TEX29: variants seen among roughly 807,000 people sequenced by gnomAD.
TEX29 encodes the protein testis expressed 29.
Under a neutral mutation model 18.2 loss-of-function variants are expected in TEX29, and 26 were observed. The ratio of observed to expected loss-of-function variants is 1.43; its 90% CI spans 1.04 to 1.98. The LOEUF is 1.98. TEX29 is among the 30% of genes most tolerant of loss of function. The pLI, the probability that TEX29 is intolerant of heterozygous loss-of-function variation, is 0.00. For synonymous variants in TEX29, 83 were observed against 78.5 expected (o/e 1.06, Z -0.31); for missense variants, 177 against 194.2 (o/e 0.91, Z 0.53).
intron 2 of TEX29, among the ~76,000 whole-genome samples, chr13:111,324,581 C>T (rs1003664609): frequency 6.6e-6 from 1 of 152,136 alleles, no homozygotes; most frequent in South Asian, 2.1e-4. Context: ...CTTGACTCCT[C>T]CCCTAGGAAG....
intron 3 of TEX29, among the ~76,000 whole-genome samples, chr13:111,335,076 T>C (rs2093687719): frequency 1.3e-5 from 2 of 152,240 alleles, no homozygotes. Context: ...TCCAGACTTC[T>C]GAAAAACTTT....
At chr13:111,330,368 C>G (rs952391792) in intron 3 of TEX29, among the ~76,000 whole-genome samples, 1 of 152,138 alleles carries the variant, frequency 6.6e-6, no homozygotes, top group African/African-American at 2.4e-5. Context: ...TTTCGCTCCT[C>G]AGAGACAAAT....
At chr13:111,327,435 C>T (rs887132625) in intron 2 of TEX29, among the ~76,000 whole-genome samples, 8 of 152,188 alleles carry the variant, frequency 5.3e-5, no homozygotes, top group Non-Finnish European at 1.2e-4. Flanking sequence ...GGCTTGGGTG[C>T]AGCCTTGGCC....
Position 111,339,186 on chromosome 13 carries a change from G to A in TEX29, c.170-677G>A, listed in dbSNP as rs79064472. On this transcript the variant is annotated intron_variant, in intron 3 of 5. Transcript: ENST00000283547. Reference sequence around the variant, plus strand: ...GGAGGCTTGACTTTTGCTGAGGCTGGGTTGGAGAAGGCACGGGAAACTTGG... The same window carrying A: ...GGAGGCTTGACTTTTGCTGAGGCTGAGTTGGAGAAGGCACGGGAAACTTGG... 2.5e-3 allele frequency: 1,116 copies of A among 449,028 alleles called. 9 individuals are homozygous for A. The highest frequency in any genetic ancestry group is 0.019 in the African/African-American group (950 of 50,090). 27.8% of individuals were successfully genotyped at this position (449,028 alleles called of 1,614,324 possible). A position where few individuals can be genotyped will look rare whatever the true frequency, so the allele number is the denominator to read the frequency against.
At chr13:111,336,542 CAAAGAG>C (rs1387679160) in intron 3 of TEX29, among the ~76,000 whole-genome samples, 5 of 143,170 alleles carry the variant, frequency 3.5e-5, no homozygotes, top group Admixed American at 2.1e-4. Context: ...ATTGGGAATT[CAAAGAG>C]AAAGACTTGC....
At chr13:111,322,056 T>C (rs2093665543) in intron 2 of TEX29, among the ~76,000 whole-genome samples, 1 of 136,166 alleles carries the variant, frequency 7.3e-6, no homozygotes, top group South Asian at 2.2e-4. Context: ...ACTGAGCACC[T>C]GCCCACAGCA....
chr13:111,318,510 A>G (rs1595680929), upstream of TEX29, among the ~76,000 whole-genome samples: 1 of 151,952 alleles, frequency 6.6e-6, no homozygotes, highest in African/African-American at 2.4e-5. Context: ...CTTGGTGAAC[A>G]CCCCTCTCCC....
chr13:111,327,886 C>T (rs1261350523), intron 2 of TEX29, among the ~76,000 whole-genome samples: 2 of 152,388 alleles, frequency 1.3e-5, no homozygotes, highest in South Asian at 2.1e-4. Flanking sequence ...CCCCGCGCTT[C>T]TGTGGGCTCT....
At chr13:111,320,546 G>T (rs1353423337), upstream of TEX29, 3 of 370,174 alleles carry the variant, frequency 8.1e-6, no homozygotes, top group Non-Finnish European at 1.0e-5. Flanking sequence ...ACACGCACAC[G>T]GCTCCGAAGT....
At chr13:111,341,888 G>A (rs1189593192) in intron 4 of TEX29, among the ~76,000 whole-genome samples, 4 of 152,242 alleles carry the variant, frequency 2.6e-5, no homozygotes, top group Non-Finnish European at 5.9e-5. Flanking sequence ...GATTGACGCA[G>A]CATCGAGGGG....
At chr13:111,326,418 CGGTGGG>C (rs2093673487) in intron 2 of TEX29, among the ~76,000 whole-genome samples, 1 of 145,592 alleles carries the variant, frequency 6.9e-6, no homozygotes, top group Non-Finnish European at 1.5e-5. Context: ...GTGGAGGAGA[CGGTGGG>C]CAGCGTGAGC....
At chr13:111,319,398 T>C (rs1476704152), upstream of TEX29, among the ~76,000 whole-genome samples, 17 of 152,184 alleles carry the variant, frequency 1.1e-4, no homozygotes. Context: ...TGAGAAGGAA[T>C]GAAGCTCTGA....
chr13:111,326,462 GGAA>G (rs1371474737), intron 2 of TEX29, among the ~76,000 whole-genome samples: 3 of 149,642 alleles, frequency 2.0e-5, no homozygotes, highest in Admixed American at 6.6e-5. Flanking sequence ...CTGGTGGGGT[GGAA>G]GAGACTGCGG....
chr13:111,326,652 C>G (rs1232957440), intron 2 of TEX29, among the ~76,000 whole-genome samples: 20 of 126,978 alleles, frequency 1.6e-4, no homozygotes, highest in East Asian at 5.2e-4. Context: ...GCAGTGCGAG[C>G]CTGTCTGGTG....
intron 3 of TEX29, chr13:111,339,374 C>A (rs1426896146): frequency 2.2e-6 from 1 of 455,276 alleles, no homozygotes; most frequent in East Asian, 6.9e-5. Context: ...GGGGCCAGCG[C>A]CATCTCTCCA....
At chr13:111,325,771 C>T (rs554658293) in intron 2 of TEX29, among the ~76,000 whole-genome samples, 13 of 152,218 alleles carry the variant, frequency 8.5e-5, no homozygotes, top group African/African-American at 2.6e-4. Flanking sequence ...CGGTCAGATG[C>T]GATGGGGACT....
intron 3 of TEX29, among the ~76,000 whole-genome samples, chr13:111,337,715 C>T (rs1408392078): frequency 6.6e-6 from 1 of 152,098 alleles, no homozygotes; most frequent in Non-Finnish European, 1.5e-5. Context: ...AAGCAAGTTT[C>T]CACGGGACAG....
chr13:111,326,081 C>T (rs1043185783), intron 2 of TEX29, among the ~76,000 whole-genome samples: 2 of 152,234 alleles, frequency 1.3e-5, no homozygotes, highest in South Asian at 2.1e-4. Flanking sequence ...CTGTGGATCC[C>T]GGCTCCGCTG....
intron 3 of TEX29, among the ~76,000 whole-genome samples, chr13:111,338,697 A>G (rs999350308): frequency 3.9e-5 from 6 of 152,218 alleles, no homozygotes; most frequent in Admixed American, 6.5e-5. Flanking sequence ...GAAAGCAATT[A>G]GAGAAGAGAC....
Sources: allele counts gnomAD v4.1 joint callset (sites outside exome capture counted in the v4.1 genomes callset), GRCh38; gene constraint gnomAD v4.1.1; transcripts MANE v1.5; gene names NCBI Gene and HGNC (gene_info 2026-07-23, HGNC 2026-07-21).